Variants in TXNRD3 observed in about 807,000 individuals in gnomAD.
TXNRD3 encodes the protein thioredoxin reductase 3, also known as TXNRD3 neighbor gene protein.
Under a neutral mutation model 78.2 loss-of-function variants are expected in TXNRD3, and 68 were observed. That is an observed-to-expected ratio of 0.87 (90% CI 0.72 to 1.06). The LOEUF is 1.06. Among genes scored for constraint, TXNRD3 ranks in the 50% least tolerant of loss-of-function variants. The probability of loss-of-function intolerance (pLI) is 0.00; values close to 1 mark genes in which losing one functional copy is unlikely to be tolerated. For missense variants in TXNRD3, 751 were observed against 809.5 expected, an observed-to-expected ratio of 0.93 and a Z score of 0.88; for synonymous variants, 296 against 300.1, an observed-to-expected ratio of 0.99 and a Z score of 0.14.
chr3:126,649,696 C>T (rs1286076196), intron 1 of TXNRD3, among the ~76,000 whole-genome samples: 1 of 152,200 alleles, frequency 6.6e-6, no homozygotes, highest in Non-Finnish European at 1.5e-5. Context: ...CATGCTACAA[C>T]ATGGTTGAAT....
chr3:126,644,293 A>C lies in TXNRD3; in HGVS notation c.519+4T>G. ...ATCTACGAGTTTCATTTCTATATTC[A>C]TACCTTCGCACATGAAAGGCCTCCA... On this transcript the variant is annotated splice_donor_region_variant and intron_variant, in intron 4 of 15. Transcript: ENST00000524230. 6.5e-7 allele frequency: 1 copy of C among 1,535,036 alleles called. No homozygotes were observed. The highest frequency in any genetic ancestry group is 8.7e-7 in the Non-Finnish European group (1 of 1,145,836).
At chr3:126,631,240 G>GTAT (rs1559775543) in intron 8 of TXNRD3, among the ~76,000 whole-genome samples, 3 of 151,634 alleles carry the variant, frequency 2.0e-5, no homozygotes, top group Non-Finnish European at 4.4e-5. Context: ...ATGTATGTAC[G>GTAT]TATGTGCTAT....
chr3:126,607,884 G>A lies in TXNRD3; in HGVS notation c.*21C>T, dbSNP rs911982973. On this transcript the variant is annotated 3_prime_UTR_variant, in exon 16 of 16. Coordinates refer to ENST00000524230, the MANE Select transcript of TXNRD3 (RefSeq NM_052883.3). ...TTGAGAGAAATGAGAATATGACAAG[G>A]AGAACTAAACAGCAGCAGGCCTAGC... is the stretch of plus-strand genomic sequence containing the variant. 3 of 1,494,486 alleles carry A rather than the reference G, an allele frequency of 2.0e-6. No individual in the cohort carries two copies. Among genetic ancestry groups the A allele is most frequent in the Admixed American group, 4.1e-5 (2 of 49,348 alleles). The allele number at this position is 1,494,486 out of a possible 1,614,324, so 92.6% of individuals were successfully genotyped here. A position where few individuals can be genotyped will look rare whatever the true frequency, so the allele number is the denominator to read the frequency against.
At chr3:126,638,189 C>T (rs1358788766) in intron 6 of TXNRD3, among the ~76,000 whole-genome samples, 7 of 151,990 alleles carry the variant, frequency 4.6e-5, no homozygotes, top group African/African-American at 1.4e-4. Flanking sequence ...GTGATCCGCC[C>T]GCCTCGGTCT....
chr3:126,630,559 G>A (rs1204531632), intron 9 of TXNRD3, among the ~76,000 whole-genome samples, 153 bp downstream of exon 9: 5 of 152,174 alleles, frequency 3.3e-5, no homozygotes, highest in Admixed American at 6.5e-5. Flanking sequence ...AAGAGGGGAC[G>A]AGGGGGAAAA....
chr3:126,607,797 C>A lies in TXNRD3; in HGVS notation c.*108G>T. 1 of 857,792 alleles carries A rather than the reference C, an allele frequency of 1.2e-6. No homozygotes were observed. The highest frequency in any genetic ancestry group is 2.7e-5 in the Admixed American group (1 of 36,834). 53.1% of individuals were successfully genotyped at this position (857,792 alleles called of 1,614,324 possible). On this transcript the variant is annotated 3_prime_UTR_variant, in exon 16 of 16. Transcript: ENST00000524230. ...TGTCGTAAGACAGCCCTGCACTGGT[C>A]CCTGAGTAACAGAGCAGCTGTCATG...
At chr3:126,651,835 C>G (rs890727702) in intron 1 of TXNRD3, among the ~76,000 whole-genome samples, 2 of 152,024 alleles carry the variant, frequency 1.3e-5, no homozygotes, top group Admixed American at 1.3e-4. Context: ...CCCAAGTAGA[C>G]GTCAAGAATG....
chr3:126,645,813 A>T (rs1933215705), intron 3 of TXNRD3, among the ~76,000 whole-genome samples: 1 of 152,116 alleles, frequency 6.6e-6, no homozygotes, highest in Non-Finnish European at 1.5e-5. Context: ...ACCTCTTTCT[A>T]CTGGGCAAAC....
At position 126,631,549 on chromosome 3, in the gene TXNRD3, C is replaced by T. The variant is rs569606133; in HGVS notation, c.971+215G>A. ...CTTCTAGGAATCACCGAGACACACA[C>T]GGCATATTTTTGTACATAAATTTTG... On this transcript the variant is annotated intron_variant, in intron 8 of 15. Transcript: ENST00000524230. Among the ~76,000 whole-genome samples the T allele has an allele frequency of 4.6e-5, 7 of 152,162 alleles. No individual in the cohort carries two copies. The East Asian group carries it at 1.2e-3, about 25-fold the overall frequency.
At chr3:126,653,256 C>T (rs938231894) in intron 1 of TXNRD3, among the ~76,000 whole-genome samples, 3 of 152,188 alleles carry the variant, frequency 2.0e-5, no homozygotes, top group Non-Finnish European at 4.4e-5. Flanking sequence ...TGCCATTTGG[C>T]TTAAGGTTGG....
intron 6 of TXNRD3, among the ~76,000 whole-genome samples, chr3:126,640,017 G>C (rs1213251568): frequency 6.6e-6 from 1 of 151,978 alleles, no homozygotes; most frequent in Admixed American, 6.6e-5. Flanking sequence ...GAGTTGACTG[G>C]AGAAATGTGT....
intron 6 of TXNRD3, among the ~76,000 whole-genome samples, chr3:126,640,889 GACAA>G (rs1435700331): frequency 6.7e-6 from 1 of 149,576 alleles, no homozygotes; most frequent in Non-Finnish European, 1.5e-5. Context: ...AAAACTCTCC[GACAA>G]ACAGAGGTGG....
In TXNRD3 at chr3:126,647,300, T is replaced by TA. The variant is rs1468746061; in HGVS notation, c.244-5dup. The TA allele has an allele frequency of 1.1e-5, 17 of 1,533,808 alleles. No individual in the cohort carries two copies. Among genetic ancestry groups the TA allele is most frequent in the South Asian group, 9.6e-5 (8 of 83,658 alleles). On this transcript the variant is annotated splice_region_variant and splice_polypyrimidine_tract_variant and intron_variant, in intron 1 of 15. Transcript: ENST00000524230. ...AAGAAGAAAAGAGTTCTTTCACCTG[T>TA]AAAAAAAATTTAGCTAAGTTTCACT... is the stretch of plus-strand genomic sequence containing the variant.
At chr3:126,643,930 CA>C (rs1158731118) in intron 5 of TXNRD3, 50 bp downstream of exon 5, 51 of 1,462,744 alleles carry the variant, frequency 3.5e-5, no homozygotes, top group Non-Finnish European at 4.6e-5. Flanking sequence ...TTACATAAAG[CA>C]AACAACATAT....
intron 1 of TXNRD3, among the ~76,000 whole-genome samples, chr3:126,649,643 A>G (rs1017240550): frequency 6.6e-6 from 1 of 152,396 alleles, no homozygotes; most frequent in East Asian, 1.9e-4. Flanking sequence ...ATATACATAC[A>G]GTGGAATATG....
In TXNRD3 at chr3:126,640,777, C is replaced by T. The variant is rs144833178; in HGVS notation, c.712+1255G>A. Among the ~76,000 whole-genome samples the T allele has an allele frequency of 5.3e-5, 8 of 152,188 alleles. No homozygotes were observed. The East Asian group carries it at 1.4e-3, about 26-fold the overall frequency. On this transcript the variant is annotated intron_variant, in intron 6 of 15. Coordinates refer to ENST00000524230, the MANE Select transcript of TXNRD3 (RefSeq NM_052883.3). ...CTCAACCCTCTGTCATTTCTTGCCC[C>T]CACTTCCCTATCCTTTCCTCTCTTT...
In TXNRD3 at chr3:126,644,012, A is replaced by T; in HGVS notation, c.561T>A (p.Phe187Leu). ...ATGTGCCCTGAGGTGACGGGACAAC[A>T]AAGTCTAGCACCATAACTTTCTTTC... Residue 187 changes from phenylalanine (F) to leucine (L), a missense_variant, in exon 5 of 16, where the codon TTT becomes TTA. Coordinates refer to ENST00000524230, the MANE Select transcript of TXNRD3 (RefSeq NM_052883.3). 1 of 1,536,078 alleles carries T rather than the reference A, an allele frequency of 6.5e-7. No homozygotes were observed. Among genetic ancestry groups the T allele is most frequent in the Non-Finnish European group, 8.7e-7 (1 of 1,146,908 alleles).
chr3:126,608,732 C>T, intron 14 of TXNRD3, 99 bp from the exon 15 acceptor site: 2 of 1,301,560 alleles, frequency 1.5e-6, no homozygotes, highest in Admixed American at 3.3e-5. Context: ...ACAGTATCTA[C>T]TACAGAAAAA....
intron 12 of TXNRD3, among the ~76,000 whole-genome samples, chr3:126,620,294 C>CAAA (rs10539573): frequency 1.7e-3 from 165 of 99,446 alleles, no homozygotes; most frequent in African/African-American, 4.8e-3. Flanking sequence ...GACTCTGTCT[C>CAAA]AAAAAAAAAA....
Sources: gnomAD v4.1 joint callset for allele counts (sites outside exome capture counted in the v4.1 genomes callset) on GRCh38, gnomAD v4.1.1 for gene constraint, MANE v1.5 for transcripts, NCBI Gene and HGNC (gene_info 2026-07-23, HGNC 2026-07-21) for gene names.